Variants in NCKAP5 observed in about 807,000 individuals in gnomAD.
NCKAP5 encodes the protein nck-associated protein 5.
In NCKAP5, 92 loss-of-function variants were observed where a neutral mutation model predicts 167.0. The ratio of observed to expected loss-of-function variants is 0.55; its 90% CI spans 0.47 to 0.66. The LOEUF (loss-of-function observed/expected upper bound fraction) is 0.66. NCKAP5 is among the 30% of genes least tolerant of loss of function. NCKAP5 has a pLI of 0.00. For missense variants in NCKAP5, 2,378 were observed against 2,315.0 expected (o/e 1.03, Z -0.56); for synonymous variants, 891 against 877.4 (o/e 1.02, Z -0.27).
intron 8 of NCKAP5, among the ~76,000 whole-genome samples, chr2:132,899,235 T>A (rs926413623): frequency 6.6e-6 from 1 of 152,232 alleles, no homozygotes; most frequent in Non-Finnish European, 1.5e-5. Context: ...TGAACTACCC[T>A]CTACTAGCTT....
intron 4 of NCKAP5, among the ~76,000 whole-genome samples, chr2:133,267,121 T>G (rs964076364): frequency 2.0e-5 from 3 of 149,810 alleles, no homozygotes; most frequent in Admixed American, 6.6e-5. Flanking sequence ...GAGGTGGGGG[T>G]GAGGGGACGA....
chr2:133,073,047 A>G (rs529780912), intron 6 of NCKAP5, among the ~76,000 whole-genome samples: 2 of 152,308 alleles, frequency 1.3e-5, no homozygotes, highest in East Asian at 3.9e-4. Context: ...GTCAGACCTC[A>G]AAGAATGACT....
chr2:133,130,050 C>G lies in NCKAP5; in HGVS notation c.269G>C (p.Arg90Pro). 6.2e-7 allele frequency: 1 copy of G among 1,611,802 alleles called. No individual in the cohort carries two copies. ...ERHLRLQSEK[R>P]LQEVTLESER... ...AGACTCTAGGGTCACCTCCTGCAAC[C>G]GCTTCTCGCTTTGAAGACGTAAGTG... The change falls in exon 6 of 20, where the codon CGG (arginine) becomes CCG (proline). Residue 90 changes from arginine (R) to proline (P), a missense_variant. Physicochemically the swap from Arg to Pro is moderately radical, Grantham distance 103. Transcript: ENST00000409261.
intron 6 of NCKAP5, among the ~76,000 whole-genome samples, chr2:133,064,874 TA>T (rs2080134504): frequency 6.6e-6 from 1 of 152,164 alleles, no homozygotes; most frequent in African/African-American, 2.4e-5. Flanking sequence ...CACTGGAACT[TA>T]AAAGTTTATT....
rs1692544716 is a variant in NCKAP5 at position 132,889,812 on chromosome 2, G to C, written c.580-10896C>G. On this transcript the variant is annotated intron_variant, in intron 8 of 19. Coordinates refer to ENST00000409261, the MANE Select transcript of NCKAP5 (RefSeq NM_207363.3). ...GACACTATCTAATACCCACTGCAGA[G>C]AAAACCTTGGGTTCAACAATGGCAA... Among the ~76,000 whole-genome samples, 5 of 152,082 alleles carry C rather than the reference G, an allele frequency of 3.3e-5. No individual in the cohort carries two copies. The South Asian group carries it at 1.0e-3, about 32-fold the overall frequency.
intron 4 of NCKAP5, among the ~76,000 whole-genome samples, chr2:133,231,037 G>C (rs192223268): frequency 4.6e-5 from 7 of 152,272 alleles, no homozygotes; most frequent in Admixed American, 4.6e-4. Context: ...TCATGCCCAA[G>C]GGAAAGATAT....
rs967790571 is a variant in NCKAP5, at chr2:132,873,989, G to A, written c.648+4859C>T. ...AACAAATACAGGGACTGCCTCCAGG[G>A]CGATAGAATCTGGAGCAAACAAGGA... On this transcript the variant is annotated intron_variant, in intron 9 of 19. Transcript: ENST00000409261. Among the ~76,000 whole-genome samples, 3 of 152,104 alleles carry A rather than the reference G, an allele frequency of 2.0e-5. No homozygotes were observed. In the South Asian group the frequency reaches 6.2e-4, roughly 31 times the overall value.
At chr2:132,821,421 A>T (rs950243306) in intron 11 of NCKAP5, among the ~76,000 whole-genome samples, 1 of 152,188 alleles carries the variant, frequency 6.6e-6, no homozygotes, top group African/African-American at 2.4e-5. Context: ...ATCCCTGATT[A>T]TACCTCATGG....
intron 6 of NCKAP5, among the ~76,000 whole-genome samples, chr2:133,128,199 T>C (rs1429293545): frequency 4.6e-5 from 7 of 152,214 alleles, no homozygotes; most frequent in Admixed American, 4.6e-4. Flanking sequence ...CTCCAAATCC[T>C]GGTGAAAAGT....
chr2:133,080,937 C>T (rs1317008278), intron 6 of NCKAP5, among the ~76,000 whole-genome samples: 1 of 152,018 alleles, frequency 6.6e-6, no homozygotes, highest in East Asian at 1.9e-4. Flanking sequence ...AAAAGAAGGG[C>T]TTGGATAAAA....
intron 3 of NCKAP5, among the ~76,000 whole-genome samples, chr2:133,509,856 T>C (rs1449754337): frequency 6.6e-6 from 1 of 152,184 alleles, no homozygotes; most frequent in African/African-American, 2.4e-5. Context: ...TAGAGCACAC[T>C]GGCCTGTGGG....
At chr2:132,902,041 T>C (rs1161977044) in intron 8 of NCKAP5, among the ~76,000 whole-genome samples, 2 of 152,212 alleles carry the variant, frequency 1.3e-5, no homozygotes, top group African/African-American at 2.4e-5. Flanking sequence ...TCTGTGCATA[T>C]TGGTTTTTCC....
intron 17 of NCKAP5, among the ~76,000 whole-genome samples, chr2:132,729,918 C>A (rs1347703150): frequency 6.6e-6 from 1 of 152,082 alleles, no homozygotes; most frequent in Non-Finnish European, 1.5e-5. Context: ...AGAAAAATAA[C>A]CAATTCAAAT....
chr2:133,017,323 T>TACAAAA (rs2078372680), intron 6 of NCKAP5, among the ~76,000 whole-genome samples: 1 of 152,226 alleles, frequency 6.6e-6, no homozygotes, highest in Non-Finnish European at 1.5e-5. Context: ...AACCCTTGGG[T>TACAAAA]ATGCAGATTT....
At chr2:133,515,064 G>C (rs1683868918) in intron 3 of NCKAP5, among the ~76,000 whole-genome samples, 1 of 152,132 alleles carries the variant, frequency 6.6e-6, no homozygotes, top group African/African-American at 2.4e-5. Context: ...CTAGTAATTT[G>C]TGTGGCTTCA....
rs140529895 is a variant in NCKAP5, at chr2:133,159,743, T to G, written c.208-29632A>C. Among the ~76,000 whole-genome samples, 11 of 152,318 alleles carry G rather than the reference T, an allele frequency of 7.2e-5. No individual in the cohort carries two copies. In the East Asian group the frequency reaches 1.9e-3, roughly 27 times the overall value. On this transcript the variant is annotated intron_variant, in intron 5 of 19. Transcript: ENST00000409261. ...TTGATTGAATAAAGATGTTAGATTTTTTTAAGCAAGCATTTCAAAAAAGTA... is the reference window on the plus strand; with the variant it reads ...TTGATTGAATAAAGATGTTAGATTTGTTTAAGCAAGCATTTCAAAAAAGTA...
chr2:133,025,470 T>C (rs73956098), intron 6 of NCKAP5, among the ~76,000 whole-genome samples: 1,609 of 152,280 alleles, frequency 0.011, 31 homozygotes, highest in African/African-American at 0.037. Context: ...GAATAAAGTA[T>C]TACCGCTTAT....
chr2:133,088,047 A>T (rs2081052502), intron 6 of NCKAP5, among the ~76,000 whole-genome samples: 1 of 152,146 alleles, frequency 6.6e-6, no homozygotes, highest in South Asian at 2.1e-4. Flanking sequence ...AACCTCCCTT[A>T]ACATGCCTCC....
At chr2:133,385,429 T>C (rs556182619) in intron 3 of NCKAP5, among the ~76,000 whole-genome samples, 107 of 152,370 alleles carry the variant, frequency 7.0e-4, no homozygotes, top group African/African-American at 2.4e-3. Flanking sequence ...CTGTCGGATG[T>C]GCTGCTGGAT....
Sources: gnomAD v4.1 joint callset for allele counts (sites outside exome capture counted in the v4.1 genomes callset) on GRCh38, gnomAD v4.1.1 for gene constraint, MANE v1.5 for transcripts, NCBI Gene and HGNC (gene_info 2026-07-23, HGNC 2026-07-21) for gene names.